Variants in TMEM117 observed in about 807,000 individuals in gnomAD.
TMEM117 encodes the protein transmembrane protein 117.
A neutral mutation model predicts 52.4 loss-of-function variants in TMEM117; 27 were observed. The observed-to-expected ratio is 0.51, with a 90% confidence interval of 0.38 to 0.71. The LOEUF (loss-of-function observed/expected upper bound fraction) is 0.71, where lower values mean the gene tolerates loss of function less well. Ranked by LOEUF, TMEM117 falls within the 30% of genes least tolerant of loss-of-function variation. The probability of loss-of-function intolerance (pLI) is 0.00; values close to 1 mark genes in which losing one functional copy is unlikely to be tolerated. For synonymous variants in TMEM117, 215 were observed against 206.3 expected, an observed-to-expected ratio of 1.04 and a Z score of -0.36; for missense variants, 556 against 630.5, an observed-to-expected ratio of 0.88 and a Z score of 1.26.
chr12:43,924,131 C>G lies in TMEM117; in HGVS notation c.278-20079C>G, dbSNP rs560060739. Among the ~76,000 whole-genome samples, 9 of 152,228 alleles carry G rather than the reference C, an allele frequency of 5.9e-5. No homozygotes were observed. In the South Asian group the frequency reaches 1.5e-3, roughly 25 times the overall value. ...TGTGAATCTTAATGGGTTTTATATA[C>G]TAATCTCTTTTCTGTAAATACAGTT... On this transcript the variant is annotated intron_variant, in intron 2 of 7. Coordinates refer to ENST00000266534, the MANE Select transcript of TMEM117 (RefSeq NM_032256.3).
chr12:44,355,836 C>T (rs1406671834), intron 6 of TMEM117, among the ~76,000 whole-genome samples: 1 of 151,888 alleles, frequency 6.6e-6, no homozygotes, highest in East Asian at 1.9e-4. Flanking sequence ...ACTACCTGAC[C>T]CAGTGAAGAA....
At chr12:44,220,037 G>C (rs1949767725) in intron 5 of TMEM117, among the ~76,000 whole-genome samples, 2 of 152,096 alleles carry the variant, frequency 1.3e-5, no homozygotes, top group South Asian at 4.1e-4. Flanking sequence ...ACACAATCTA[G>C]CCACTATCTT....
rs549693612 is a variant in TMEM117 at position 44,038,876 on chromosome 12, A to G, written c.410+94534A>G. Among the ~76,000 whole-genome samples, 5 of 152,344 alleles carry G rather than the reference A, an allele frequency of 3.3e-5. No individual in the cohort carries two copies. In the South Asian group the frequency reaches 8.3e-4, roughly 25 times the overall value. ...TGTGGCCATTTCAAACACATGTAAA[A>G]GTAGATAGAATAGTGGTACCCACTG... On this transcript the variant is annotated intron_variant, in intron 3 of 7. Coordinates refer to ENST00000266534, the MANE Select transcript of TMEM117 (RefSeq NM_032256.3).
intron 3 of TMEM117, among the ~76,000 whole-genome samples, chr12:44,098,890 G>A (rs1208721701): frequency 6.6e-6 from 1 of 152,054 alleles, no homozygotes; most frequent in African/African-American, 2.4e-5. Context: ...TTTCCTTATA[G>A]TGGTTCCCTT....
At chr12:44,222,344 G>A (rs1386690329) in intron 5 of TMEM117, among the ~76,000 whole-genome samples, 3 of 152,180 alleles carry the variant, frequency 2.0e-5, no homozygotes, top group Non-Finnish European at 4.4e-5. Context: ...GCAGGACTTT[G>A]TGGCATTGGC....
At chr12:44,012,826 A>G (rs1348088015) in intron 3 of TMEM117, among the ~76,000 whole-genome samples, 2 of 152,140 alleles carry the variant, frequency 1.3e-5, no homozygotes, top group African/African-American at 4.8e-5. Flanking sequence ...ATACCAGTTC[A>G]GTTTTTTCAA....
At chr12:44,183,998 G>C (rs868272017) in intron 4 of TMEM117, among the ~76,000 whole-genome samples, 1 of 152,090 alleles carries the variant, frequency 6.6e-6, no homozygotes, top group Non-Finnish European at 1.5e-5. Flanking sequence ...TCTAGATACT[G>C]CTGGGAAGGG....
intron 1 of TMEM117, among the ~76,000 whole-genome samples, chr12:43,839,021 A>C (rs192459260): frequency 6.6e-6 from 1 of 152,312 alleles, no homozygotes; most frequent in Non-Finnish European, 1.5e-5. Flanking sequence ...TTTCTATCTC[A>C]GGAAATGGCA....
intron 5 of TMEM117, among the ~76,000 whole-genome samples, chr12:44,282,315 G>C (rs916480844): frequency 6.6e-6 from 1 of 152,156 alleles, no homozygotes; most frequent in African/African-American, 2.4e-5. Flanking sequence ...AATGACTTTG[G>C]AACTGGGTAA....
At chr12:44,172,981 TC>T (rs1412201147) in intron 4 of TMEM117, among the ~76,000 whole-genome samples, 1 of 152,230 alleles carries the variant, frequency 6.6e-6, no homozygotes, top group African/African-American at 2.4e-5. Context: ...CACCTTGGCC[TC>T]CAGAAGTGCC....
At chr12:43,832,220 C>T (rs139331534), upstream of TMEM117, among the ~76,000 whole-genome samples, 1 of 152,342 alleles carries the variant, frequency 6.6e-6, no homozygotes, top group African/African-American at 2.4e-5. Context: ...CAATCACCAC[C>T]TGGCTACTGG....
In TMEM117 at chr12:44,193,703, A is replaced by G. The variant is rs7959529; in HGVS notation, c.511-17587A>G. On this transcript the variant is annotated intron_variant, in intron 4 of 7. Coordinates refer to ENST00000266534, the MANE Select transcript of TMEM117 (RefSeq NM_032256.3). ...ATAAAGTATCCCCTGAGAATTCATA[A>G]TATTCTGTTCCTCAAGTGAGTTGAT... Among the ~76,000 whole-genome samples the G allele has an allele frequency of 8.5e-3, 1,301 of 152,324 alleles. 13 individuals carry two copies. The highest frequency in any genetic ancestry group is 0.03 in the African/African-American group (1,237 of 41,568).
At chr12:44,145,401 C>T (rs111328740) in intron 4 of TMEM117, among the ~76,000 whole-genome samples, 2,845 of 152,088 alleles carry the variant, frequency 0.019, 42 homozygotes, top group Middle Eastern at 0.037. Context: ...ACCTATGGTT[C>T]GACCTTCCTA....
At chr12:44,089,549 C>A (rs1398609350) in intron 3 of TMEM117, among the ~76,000 whole-genome samples, 1 of 152,178 alleles carries the variant, frequency 6.6e-6, no homozygotes, top group Non-Finnish European at 1.5e-5. Flanking sequence ...AGGTTGGCTT[C>A]TGTATTGTCC....
chr12:43,809,984 C>A, the TMEM117 span, among the ~76,000 whole-genome samples: 1 of 152,124 alleles, frequency 6.6e-6, no homozygotes, highest in South Asian at 2.1e-4. Flanking sequence ...ATAGTTCAAG[C>A]AAATGATATT....
At chr12:44,234,350 T>G (rs73272295) in intron 5 of TMEM117, among the ~76,000 whole-genome samples, 12,334 of 151,360 alleles carry the variant, frequency 0.081, 1,515 homozygotes, top group African/African-American at 0.27. Context: ...TTTTTCAGCA[T>G]TTGTCCAGTT....
chr12:43,982,483 C>T (rs909714249), intron 3 of TMEM117, among the ~76,000 whole-genome samples: 1 of 152,102 alleles, frequency 6.6e-6, no homozygotes, highest in Non-Finnish European at 1.5e-5. Context: ...TGTTTTCTAA[C>T]CTTTTTTTTT....
At chr12:44,383,953 A>G (rs1482472124) in intron 7 of TMEM117, among the ~76,000 whole-genome samples, 2 of 152,164 alleles carry the variant, frequency 1.3e-5, no homozygotes, top group Non-Finnish European at 2.9e-5. Context: ...GATTTAGGCA[A>G]TGTTTATTTC....
intron 2 of TMEM117, among the ~76,000 whole-genome samples, chr12:43,884,588 T>G (rs1943957983): frequency 6.6e-6 from 1 of 152,170 alleles, no homozygotes; most frequent in African/African-American, 2.4e-5. Flanking sequence ...AAGGATTCAT[T>G]TAAGTGGAAT....
Sources: allele counts gnomAD v4.1 joint callset (sites outside exome capture counted in the v4.1 genomes callset), GRCh38; gene constraint gnomAD v4.1.1; transcripts MANE v1.5; gene names NCBI Gene and HGNC (gene_info 2026-07-23, HGNC 2026-07-21).